The following LRRK2 variants were observed in gnomAD, a reference collection of about 807,000 sequenced individuals.
The protein encoded by LRRK2 is leucine rich repeat kinase 2.
Under a neutral mutation model 302.6 loss-of-function variants are expected in LRRK2, and 203 were observed. The observed-to-expected ratio is 0.67, with a 90% CI of 0.60 to 0.75. The LOEUF (loss-of-function observed/expected upper bound fraction) is 0.75. Ranked by LOEUF, LRRK2 falls within the 30% of genes least tolerant of loss-of-function variation. The probability of loss-of-function intolerance (pLI) is 0.00; values close to 1 mark genes in which losing one functional copy is unlikely to be tolerated. For synonymous variants in LRRK2, 1,066 were observed against 1,031.9 expected (o/e 1.03, Z -0.63); for missense variants, 2,830 against 2,951.0 (o/e 0.96, Z 0.95).
intron 14 of LRRK2, among the ~76,000 whole-genome samples, chr12:40,271,232 A>G (rs996069755): frequency 2.0e-5 from 3 of 152,188 alleles, no homozygotes; most frequent in East Asian, 1.9e-4. Context: ...TAGACAAGGG[A>G]CATCATTCCA....
chr12:40,276,551 C>T (rs967948925), intron 16 of LRRK2, among the ~76,000 whole-genome samples: 1 of 152,228 alleles, frequency 6.6e-6, no homozygotes, highest in African/African-American at 2.4e-5. Flanking sequence ...TCACCTCGGA[C>T]TCCCAAAGTG....
Position 40,237,956 on chromosome 12 carries a change from C to T in LRRK2, c.437-13C>T, listed in dbSNP as rs1006222308. ...AGCTCTTTACTCAGAGCATATTATTCTCTTTAAAATAGGTAAAATCACCTT... is the reference window on the plus strand; with the variant it reads ...AGCTCTTTACTCAGAGCATATTATTTTCTTTAAAATAGGTAAAATCACCTT... On this transcript the variant is annotated splice_polypyrimidine_tract_variant and intron_variant, in intron 4 of 50. Coordinates refer to ENST00000298910, the MANE Select transcript of LRRK2 (RefSeq NM_198578.4). The T allele has an allele frequency of 1.2e-6, 2 of 1,607,294 alleles. No homozygotes were observed. The highest frequency in any genetic ancestry group is 1.7e-6 in the Non-Finnish European group (2 of 1,175,942).
intron 18 of LRRK2, among the ~76,000 whole-genome samples, chr12:40,282,006 C>T (rs1387864778): frequency 1.4e-5 from 2 of 143,134 alleles, no homozygotes; most frequent in African/African-American, 5.3e-5. Flanking sequence ...TCCCTCCCTC[C>T]CCGCTTCCCT....
rs1273999118 is a variant in LRRK2, at chr12:40,306,039, C to T, written c.3959+73C>T. 6.1e-6 allele frequency: 7 copies of T among 1,142,118 alleles called. No individual in the cohort carries two copies. In the East Asian group the frequency reaches 1.5e-4, roughly 24 times the overall value. 70.7% of individuals were successfully genotyped at this position (1,142,118 alleles called of 1,614,324 possible). A position where few individuals can be genotyped will look rare whatever the true frequency, so the allele number is the denominator to read the frequency against. The stretch of plus-strand genomic sequence containing the variant: ...TTCTACTCTCTGTGACTTTGATGGA[C>T]ATATATTGTTACTATTTAGGGAAAA... On this transcript the variant is annotated intron_variant, in intron 28 of 50. Transcript: ENST00000298910.
Position 40,225,152 on chromosome 12 carries a change from G to C in LRRK2, c.21G>C (p.Gln7His). The C allele has an allele frequency of 1.2e-6, 2 of 1,614,060 alleles. No homozygotes were observed. The highest frequency in any genetic ancestry group is 2.2e-5 in the South Asian group (2 of 91,084). Residue 7 changes from glutamine (Q) to histidine (H), a missense_variant, in exon 1 of 51, where the codon CAG becomes CAC. Gln to His is a conservative substitution (Grantham distance 24). Transcript: ENST00000298910. ...CCACCATGGCTAGTGGCAGCTGTCA[G>C]GGGTGCGAAGAGGACGAGGAAACTC... MASGSC[Q>H]GCEEDEETLK...
In LRRK2 at chr12:40,314,073, C is replaced by T. The variant is rs144529349; in HGVS notation, c.4638C>T (p.Pro1546=). 2.5e-5 allele frequency: 41 copies of T among 1,612,374 alleles called. No homozygotes were observed. The highest frequency in any genetic ancestry group is 2.0e-4 in the Admixed American group (12 of 59,876). The change falls in exon 32 of 51, where the codon CCC becomes CCT. Residue 1546 remains proline (P), a synonymous_variant. Transcript: ENST00000298910. ...GTAAAAATGTGCCAATTGAATTTCC[C>T]GTAATTGACCGGAAACGATTATTAC... is the stretch of plus-strand genomic sequence containing the variant. ...SERKNVPIEF[P]VIDRKRLLQL...
chr12:40,284,271 T>G, intron 19 of LRRK2, 138 bp downstream of exon 19: 1 of 679,180 alleles, frequency 1.5e-6, no homozygotes. Flanking sequence ...ATTTTTTTTT[T>G]TTTTGGCTAT....
At chr12:40,266,648 G>C (rs1372918859) in intron 14 of LRRK2, among the ~76,000 whole-genome samples, 5 of 152,144 alleles carry the variant, frequency 3.3e-5, no homozygotes, top group Non-Finnish European at 5.9e-5. Flanking sequence ...CATCCTGTTA[G>C]TGGGTATATA....
chr12:40,311,219 T>C (rs1002734347), intron 31 of LRRK2, among the ~76,000 whole-genome samples: 2 of 152,176 alleles, frequency 1.3e-5, no homozygotes, highest in African/African-American at 4.8e-5. Flanking sequence ...CAGCAGTGTC[T>C]CACTAATTAC....
At chr12:40,263,750 A>C (rs1455313606) in intron 13 of LRRK2, 39 bp from the exon 14 acceptor site, 4 of 1,428,350 alleles carry the variant, frequency 2.8e-6, no homozygotes, top group Non-Finnish European at 3.9e-6. Context: ...AAATGTTTAT[A>C]AGAAAATTCT....
At chr12:40,363,951 A>G (rs1417613290) in intron 48 of LRRK2, among the ~76,000 whole-genome samples, 1 of 151,874 alleles carries the variant, frequency 6.6e-6, no homozygotes, top group African/African-American at 2.4e-5. Flanking sequence ...ATAGACAAAT[A>G]TGGGGGGAAA....
At chr12:40,361,017 G>A (rs1303133335) in intron 47 of LRRK2, among the ~76,000 whole-genome samples, 1 of 152,078 alleles carries the variant, frequency 6.6e-6, no homozygotes, top group African/African-American at 2.4e-5. Context: ...AAATCTACTG[G>A]CTTTCAACAT....
At chr12:40,340,828 T>G (rs908135054) in intron 41 of LRRK2, among the ~76,000 whole-genome samples, 1 of 152,218 alleles carries the variant, frequency 6.6e-6, no homozygotes, top group African/African-American at 2.4e-5. Flanking sequence ...CAAATTCTTT[T>G]TCATAATTCT....
chr12:40,286,432 A>G (rs1349078453), intron 19 of LRRK2: 1 of 152,012 alleles, frequency 6.6e-6, no homozygotes, highest in Non-Finnish European at 1.5e-5. Flanking sequence ...CCACATATTT[A>G]CAGTAGGAAT....
intron 43 of LRRK2, 140 bp from the exon 44 acceptor site, chr12:40,351,399 C>G: frequency 1.5e-6 from 1 of 680,344 alleles, no homozygotes. Flanking sequence ...GATTACTAAT[C>G]TTGGTGATCT....
At chr12:40,295,753 T>G in intron 23 of LRRK2, 109 bp downstream of exon 23, 2 of 1,063,204 alleles carry the variant, frequency 1.9e-6, no homozygotes, top group Non-Finnish European at 2.7e-6. Context: ...TTTGTGTCAC[T>G]GGGTGATAAG....
chr12:40,307,773 TTTC>T (rs1944877730), intron 28 of LRRK2, among the ~76,000 whole-genome samples: 1 of 94,252 alleles, frequency 1.1e-5, no homozygotes, highest in Admixed American at 1.5e-4. Context: ...TTTCTTTTCT[TTTC>T]TTTTCTTTTT....
intron 24 of LRRK2, 132 bp from the exon 25 acceptor site, chr12:40,298,977 T>C (rs1944517264): frequency 1.5e-6 from 1 of 688,132 alleles, no homozygotes; most frequent in Non-Finnish European, 2.2e-6. Context: ...CTGACTTACA[T>C]TTTTACAACT....
intron 3 of LRRK2, among the ~76,000 whole-genome samples, chr12:40,235,200 G>A (rs543418460): frequency 5.7e-4 from 87 of 152,252 alleles, no homozygotes; most frequent in South Asian, 2.9e-3. Context: ...GGCCAGGCAC[G>A]GTGGCTCACA....
Sources: gnomAD v4.1 joint callset for allele counts (sites outside exome capture counted in the v4.1 genomes callset) on GRCh38, gnomAD v4.1.1 for gene constraint, MANE v1.5 for transcripts, NCBI Gene and HGNC (gene_info 2026-07-23, HGNC 2026-07-21) for gene names.